FSD1: variants seen among roughly 807,000 people sequenced by gnomAD.
The protein encoded by FSD1 is fibronectin type III and SPRY domain-containing protein 1.
A neutral mutation model predicts 58.2 loss-of-function variants in FSD1; 23 were observed. That is an observed-to-expected ratio of 0.40 (90% CI 0.28 to 0.56). The LOEUF (loss-of-function observed/expected upper bound fraction) is 0.56, where lower values mean the gene tolerates loss of function less well. Ranked by LOEUF, FSD1 falls within the 20% of genes least tolerant of loss-of-function variation. The pLI is 0.54. For synonymous variants in FSD1, 265 were observed against 263.4 expected, an observed-to-expected ratio of 1.01 and a Z score of -0.06; for missense variants, 563 against 670.8, an observed-to-expected ratio of 0.84 and a Z score of 1.78.
Position 4,323,157 on chromosome 19 carries a change from C to T in FSD1, c.1211C>T (p.Thr404Met), listed in dbSNP as rs1971722736. 1.2e-6 allele frequency: 2 copies of T among 1,604,858 alleles called. No individual in the cohort carries two copies. The highest frequency in any genetic ancestry group is 1.7e-6 in the Non-Finnish European group (2 of 1,179,784). Residue 404 changes from threonine (T) to methionine (M), a missense_variant, in exon 11 of 13, where the codon ACG becomes ATG. Coordinates refer to ENST00000221856, the MANE Select transcript of FSD1 (RefSeq NM_024333.3). The surrounding 1 kb of genome is among the most constrained non-coding windows in gnomAD (Gnocchi z 7.7). ...AACAATTGGCTGCAGGTCAGCTTCA[C>T]GGCCAAGCACGCCAACAAGGTCAAG... The part of the protein sequence containing the change: ...HVNNWLQVSF[T>M]AKHANKVKVL...
At chr19:4,309,290 C>A (rs1410823640) in intron 4 of FSD1, among the ~76,000 whole-genome samples, 1 of 151,994 alleles carries the variant, frequency 6.6e-6, no homozygotes, top group African/African-American at 2.4e-5. Context: ...ATCTGAAATG[C>A]AAATGAATAA....
rs779815364 is a variant in FSD1, at chr19:4,318,453, C to T, written c.907C>T (p.Arg303Cys). 3.7e-6 allele frequency: 6 copies of T among 1,613,564 alleles called. No homozygotes were observed. Among genetic ancestry groups the T allele is most frequent in the East Asian group, 2.2e-5 (1 of 44,836 alleles). ...MGGKVQDIKAREKDGKGRTAS... is the reference protein window; with the variant it reads ...MGGKVQDIKACEKDGKGRTAS... ...CGGGAAGGTGCAGGATATCAAGGCT[C>T]GCGAGAAAGATGGCAAGGGGCGGAC... The change falls in exon 9 of 13, where the codon CGC (arginine) becomes TGC (cysteine). Residue 303 changes from arginine (R) to cysteine (C), a missense_variant. By Grantham distance (180) the Arg-to-Cys change is radical. Transcript: ENST00000221856.
intron 7 of FSD1, 149 bp from the exon 8 acceptor site, chr19:4,317,033 G>A (rs1468881207): frequency 8.7e-6 from 5 of 574,592 alleles, no homozygotes; most frequent in African/African-American, 5.5e-5. Context: ...GATTACAGGC[G>A]TGAGCCAGTG....
chr19:4,312,076 G>A lies in FSD1; in HGVS notation c.700+25G>A, dbSNP rs751361231. 1.8e-5 allele frequency: 28 copies of A among 1,569,342 alleles called. No individual in the cohort carries two copies. The South Asian group carries it at 2.1e-4, about 12-fold the overall frequency. ...GGTAAGGGCAGTGTGTGCCAGCTCC[G>A]CCCAGCTGTGAACAGCCACCTCTTC... On this transcript the variant is annotated intron_variant, in intron 7 of 12. Coordinates refer to ENST00000221856, the MANE Select transcript of FSD1 (RefSeq NM_024333.3).
intron 7 of FSD1, among the ~76,000 whole-genome samples, chr19:4,314,481 A>G (rs1248426955): frequency 1.3e-5 from 2 of 149,008 alleles, no homozygotes; most frequent in Non-Finnish European, 3.0e-5. Flanking sequence ...GTGGACTCAC[A>G]TTCTACCTTT....
At chr19:4,319,622 G>A (rs552389062) in intron 10 of FSD1, among the ~76,000 whole-genome samples, 25 of 152,260 alleles carry the variant, frequency 1.6e-4, no homozygotes, top group African/African-American at 6.0e-4. Context: ...GGCCTAAGGG[G>A]AAGTTATGGT....
At position 4,323,448 on chromosome 19, in the gene FSD1, TC is replaced by T. The variant is rs1971728574; in HGVS notation, c.1380+14del. 6.2e-7 allele frequency: 1 copy of T among 1,611,492 alleles called. No individual in the cohort carries two copies. The highest frequency in any genetic ancestry group is 1.3e-5 in the African/African-American group (1 of 74,836). On this transcript the variant is annotated intron_variant, in intron 12 of 12. Coordinates refer to ENST00000221856, the MANE Select transcript of FSD1 (RefSeq NM_024333.3). The surrounding 1 kb of genome is among the most constrained non-coding windows in gnomAD (Gnocchi z 7.7). ...TGCCTGCTTTCACGGTGAGCTGCCC[TC>T]CGCGGCCCAGGGGGAGGAGAGGGTG...
intron 10 of FSD1, 148 bp downstream of exon 10, chr19:4,319,099 C>T: frequency 1.5e-6 from 1 of 658,990 alleles, no homozygotes; most frequent in Non-Finnish European, 2.8e-6. Context: ...TGGCACTGCC[C>T]AAATGGAAAT....
rs141752603 is a variant in FSD1 at position 4,322,454 on chromosome 19, C to T, written c.1040-532C>T. Among the ~76,000 whole-genome samples the T allele has an allele frequency of 1.0e-3, 150 of 150,420 alleles. 3 individuals carry two copies. The East Asian group carries it at 0.026, about 26-fold the overall frequency. On this transcript the variant is annotated intron_variant, in intron 10 of 12. Coordinates refer to ENST00000221856, the MANE Select transcript of FSD1 (RefSeq NM_024333.3). Reference sequence around the variant, plus strand: ...AGTATCTGGAGGGAATAGCAGGAACCGAGGAGTATCTGGAGGGAATAGCAG... The same window carrying T: ...AGTATCTGGAGGGAATAGCAGGAACTGAGGAGTATCTGGAGGGAATAGCAG...
intron 7 of FSD1, among the ~76,000 whole-genome samples, chr19:4,314,074 G>A (rs918206923): frequency 5.9e-5 from 9 of 151,950 alleles, no homozygotes; most frequent in African/African-American, 1.2e-4. Flanking sequence ...GGGGAATCCC[G>A]GAGGGGCGGG....
At chr19:4,310,185 A>T in intron 4 of FSD1, 88 bp from the exon 5 acceptor site, 1 of 1,453,304 alleles carries the variant, frequency 6.9e-7, no homozygotes, top group Non-Finnish European at 9.7e-7. Context: ...AGATCTCTCC[A>T]CTGCAATCCA....
intron 7 of FSD1, 24 bp downstream of exon 7, chr19:4,312,075 CG>C: frequency 6.4e-7 from 1 of 1,572,038 alleles, no homozygotes; most frequent in Non-Finnish European, 8.6e-7. Context: ...GTGCCAGCTC[CG>C]CCCAGCTGTG....
chr19:4,318,531 G>A (rs1424523649), intron 9 of FSD1, 26 bp downstream of exon 9: 2 of 1,550,606 alleles, frequency 1.3e-6, no homozygotes, highest in East Asian at 4.7e-5. Context: ...CCCTCCCTAA[G>A]TCTCTGGTGG....
intron 1 of FSD1, 73 bp downstream of exon 1, chr19:4,304,834 C>CG: frequency 6.1e-6 from 3 of 495,822 alleles, no homozygotes; most frequent in African/African-American, 2.0e-5. Context: ...GTTGCCGCAG[C>CG]GCCCCCACTC....
At chr19:4,321,689 G>A (rs1193475476) in intron 10 of FSD1, among the ~76,000 whole-genome samples, 1 of 151,884 alleles carries the variant, frequency 6.6e-6, no homozygotes, top group Non-Finnish European at 1.5e-5. Context: ...GAATAGCTGG[G>A]ACCCAAGTAT....
At chr19:4,311,534 T>G (rs1415126704) in intron 6 of FSD1, 1 of 294,976 alleles carries the variant, frequency 3.4e-6, no homozygotes. Context: ...ATATAAAAAA[T>G]TAGCCGGGCC....
intron 7 of FSD1, among the ~76,000 whole-genome samples, chr19:4,313,896 C>T (rs1414605645): frequency 6.6e-6 from 1 of 151,878 alleles, no homozygotes; most frequent in East Asian, 1.9e-4. Flanking sequence ...GGCATGGTGG[C>T]GGATGCCTGT....
intron 8 of FSD1, among the ~76,000 whole-genome samples, chr19:4,318,145 C>G (rs182309565): frequency 6.6e-6 from 1 of 151,588 alleles, no homozygotes; most frequent in South Asian, 2.1e-4. Flanking sequence ...CTCCTGTTGT[C>G]CTTCTGCTTG....
chr19:4,318,250 T>G, intron 8 of FSD1, 96 bp from the exon 9 acceptor site: 2 of 1,506,802 alleles, frequency 1.3e-6, no homozygotes, highest in Non-Finnish European at 9.2e-7. Context: ...TCTGTCCCTG[T>G]CTTGGTCTGT....
Sources: allele counts gnomAD v4.1 joint callset (sites outside exome capture counted in the v4.1 genomes callset), GRCh38; gene constraint gnomAD v4.1.1; non-coding constraint Gnocchi (gnomAD v3.1); transcripts MANE v1.5; gene names NCBI Gene and HGNC (gene_info 2026-07-23, HGNC 2026-07-21).